The following PEX5L variants were observed in gnomAD, a reference collection of about 807,000 sequenced individuals.
The protein encoded by PEX5L is PEX5-related protein.
A neutral mutation model predicts 84.0 loss-of-function variants in PEX5L; 30 were observed. The ratio of observed to expected loss-of-function variants is 0.36; its 90% confidence interval spans 0.27 to 0.48. The LOEUF (loss-of-function observed/expected upper bound fraction) is 0.48, where lower values mean the gene tolerates loss of function less well. Ranked by LOEUF, PEX5L falls within the 20% of genes least tolerant of loss-of-function variation. The pLI is 0.99. For synonymous variants in PEX5L, 270 were observed against 283.1 expected, an observed-to-expected ratio of 0.95 and a Z score of 0.46; for missense variants, 533 against 754.6, an observed-to-expected ratio of 0.71 and a Z score of 3.44.
At chr3:179,868,019 A>T (rs1748943196) in intron 7 of PEX5L, among the ~76,000 whole-genome samples, 2 of 142,770 alleles carry the variant, frequency 1.4e-5, no homozygotes, top group Admixed American at 7.1e-5. Flanking sequence ...TTTATTATTT[A>T]TGTATTTATT....
intron 2 of PEX5L, among the ~76,000 whole-genome samples, chr3:179,905,556 G>C (rs974256758): frequency 6.6e-6 from 1 of 152,254 alleles, no homozygotes; most frequent in Non-Finnish European, 1.5e-5. Flanking sequence ...ACCGCGCCCC[G>C]CCAATCTGTG....
intron 8 of PEX5L, among the ~76,000 whole-genome samples, chr3:179,858,189 C>T (rs1378884390): frequency 6.6e-6 from 1 of 152,086 alleles, no homozygotes; most frequent in Non-Finnish European, 1.5e-5. Context: ...TCCAGAAATG[C>T]TTTCAATTTT....
chr3:179,877,463 A>G (rs1599791), intron 5 of PEX5L, among the ~76,000 whole-genome samples: 41,326 of 151,980 alleles, frequency 0.27, 6,074 homozygotes, highest in Non-Finnish European at 0.33. Flanking sequence ...ATATATTAAT[A>G]TATTCTTTTT....
intron 5 of PEX5L, among the ~76,000 whole-genome samples, chr3:179,877,854 A>G (rs539115017): frequency 6.6e-6 from 1 of 152,374 alleles, no homozygotes; most frequent in Non-Finnish European, 1.5e-5. Context: ...AGAGATAGTT[A>G]TAAAATTTCC....
chr3:179,918,133 C>T (rs1475414066), intron 2 of PEX5L, among the ~76,000 whole-genome samples: 1 of 152,154 alleles, frequency 6.6e-6, no homozygotes, highest in Non-Finnish European at 1.5e-5. Context: ...AGGGTCTGTG[C>T]TTTTAACTAC....
intron 2 of PEX5L, among the ~76,000 whole-genome samples, chr3:179,952,436 A>G (rs1200201212): frequency 1.3e-5 from 2 of 152,204 alleles, no homozygotes; most frequent in African/African-American, 4.8e-5. Context: ...AAAGATGTGT[A>G]TATAGCAGAA....
chr3:179,867,025 C>CAA (rs61404630), intron 7 of PEX5L, among the ~76,000 whole-genome samples: 8 of 89,320 alleles, frequency 9.0e-5, no homozygotes, highest in Non-Finnish European at 1.3e-4. Context: ...GACTCTGTCT[C>CAA]AAAAAAAAAA....
At chr3:179,900,875 T>A (rs941262059) in intron 2 of PEX5L, 3 of 612,036 alleles carry the variant, frequency 4.9e-6, no homozygotes, top group Non-Finnish European at 8.7e-6. Flanking sequence ...AATGGGAAGG[T>A]CTGCCACAAT....
At chr3:179,818,625 G>A (rs1173610704) in intron 9 of PEX5L, among the ~76,000 whole-genome samples, 1 of 150,304 alleles carries the variant, frequency 6.7e-6, no homozygotes. Flanking sequence ...CCAGCCTCTG[G>A]TAACCATCAT....
chr3:179,944,861 A>G (rs1231557601), intron 2 of PEX5L, among the ~76,000 whole-genome samples: 4 of 152,206 alleles, frequency 2.6e-5, no homozygotes, highest in Non-Finnish European at 4.4e-5. Context: ...AATGAAGTGA[A>G]ATGCAAGATT....
At chr3:179,934,971 A>G (rs904810712) in intron 2 of PEX5L, among the ~76,000 whole-genome samples, 2 of 152,064 alleles carry the variant, frequency 1.3e-5, no homozygotes, top group Non-Finnish European at 2.9e-5. Flanking sequence ...AAAGGACCTG[A>G]TTTTGGCAGA....
chr3:180,036,771 C>A lies in PEX5L; in HGVS notation c.-172G>T. 1.5e-6 allele frequency: 1 copy of A among 683,040 alleles called. No individual in the cohort carries two copies. The highest frequency in any genetic ancestry group is 1.6e-5 in the South Asian group (1 of 61,192). 42.3% of individuals were successfully genotyped at this position (683,040 alleles called of 1,614,324 possible). A position where few individuals can be genotyped will look rare whatever the true frequency, so the allele number is the denominator to read the frequency against. Reference sequence around the variant, plus strand: ...GGCCGGCGGCCACTCGGCAGCGCTGCGGGCTGCCGGGAACTGTTCTCCGCT... The same window carrying A: ...GGCCGGCGGCCACTCGGCAGCGCTGAGGGCTGCCGGGAACTGTTCTCCGCT... On this transcript the variant is annotated 5_prime_UTR_variant, in exon 1 of 15. Transcript: ENST00000467460.
intron 8 of PEX5L, among the ~76,000 whole-genome samples, chr3:179,829,773 T>G (rs1312898325): frequency 4.4e-5 from 1 of 22,618 alleles, no homozygotes; most frequent in East Asian, 4.0e-3. Flanking sequence ...TTGCTATATC[T>G]TTTTTTTTTT....
chr3:179,798,880 G>A lies in PEX5L; in HGVS notation c.*2948C>T, dbSNP rs1274981474. On this transcript the variant is annotated 3_prime_UTR_variant, in exon 15 of 15. Coordinates refer to ENST00000467460, the MANE Select transcript of PEX5L (RefSeq NM_016559.3). ...TACAAAAAGACTGTTCTAAAGTCTTGCTACTGATTTCTTGGTGGTGCTCTA... is the reference window on the plus strand; with the variant it reads ...TACAAAAAGACTGTTCTAAAGTCTTACTACTGATTTCTTGGTGGTGCTCTA... 2.6e-5 allele frequency: 4 copies of A among 152,130 alleles called. No individual in the cohort carries two copies. Among genetic ancestry groups the A allele is most frequent in the Non-Finnish European group, 2.9e-5 (2 of 68,006 alleles). 9.4% of individuals were successfully genotyped at this position (152,130 alleles called of 1,614,324 possible).
chr3:179,802,550 A>AAAAAAAAAAAAAAAAAAAAG (rs1553813985), intron 14 of PEX5L, among the ~76,000 whole-genome samples: 15 of 131,552 alleles, frequency 1.1e-4, no homozygotes, highest in East Asian at 2.1e-4. Context: ...AAAAAAAAAA[A>AAAAAAAAAAAAAAAAAAAAG]AAAAGAAAAG....
chr3:179,953,140 C>T (rs7645125), intron 2 of PEX5L, among the ~76,000 whole-genome samples: 108,808 of 151,898 alleles, frequency 0.72, 39,562 homozygotes, highest in East Asian at 0.89. Flanking sequence ...ACTGAAAACC[C>T]TAAAAACCCT....
intron 1 of PEX5L, among the ~76,000 whole-genome samples, chr3:180,033,822 T>C (rs1791666874): frequency 6.6e-6 from 1 of 152,190 alleles, no homozygotes; most frequent in South Asian, 2.1e-4. Context: ...GATAAAAACA[T>C]AGCTCCAGGA....
chr3:180,010,868 A>C (rs560955116), intron 1 of PEX5L, among the ~76,000 whole-genome samples: 6 of 152,234 alleles, frequency 3.9e-5, no homozygotes, highest in Non-Finnish European at 5.9e-5. Context: ...TATTTTTTAA[A>C]AACGTGCTTC....
intron 2 of PEX5L, among the ~76,000 whole-genome samples, chr3:179,967,940 TA>T (rs1783774524): frequency 1.3e-5 from 2 of 152,260 alleles, no homozygotes; most frequent in East Asian, 1.9e-4. Context: ...CTGAAACAGC[TA>T]AAGCTTGAGA....
Sources: allele counts gnomAD v4.1 joint callset (sites outside exome capture counted in the v4.1 genomes callset), GRCh38; gene constraint gnomAD v4.1.1; transcripts MANE v1.5; gene names NCBI Gene and HGNC (gene_info 2026-07-23, HGNC 2026-07-21).